Variants in ZBTB7C observed in about 807,000 individuals in gnomAD.
ZBTB7C encodes zinc finger and BTB domain containing 7C, also known as zinc finger and BTB domain-containing protein 7C.
Under a neutral mutation model 25.7 loss-of-function variants are expected in ZBTB7C, and 8 were observed. The ratio of observed to expected loss-of-function variants is 0.31; its 90% CI spans 0.18 to 0.56. ZBTB7C has a LOEUF of 0.56. ZBTB7C is among the 20% of genes least tolerant of loss of function. The pLI is 0.91. For synonymous variants in ZBTB7C, 394 were observed against 369.0 expected (o/e 1.07, Z -0.78); for missense variants, 824 against 855.2 (o/e 0.96, Z 0.46).
chr18:48,072,677 G>A (rs940601502), intron 3 of ZBTB7C: 1 of 152,250 alleles, frequency 6.6e-6, no homozygotes, highest in Admixed American at 6.5e-5. Context: ...TTTAGGAGGG[G>A]AGAAGGTGGG....
chr18:48,048,957 G>A (rs1245516342), intron 3 of ZBTB7C, among the ~76,000 whole-genome samples: 1 of 152,112 alleles, frequency 6.6e-6, no homozygotes, highest in African/African-American at 2.4e-5. Flanking sequence ...CCATGCCCCA[G>A]GCCACATGGC....
intron 3 of ZBTB7C, among the ~76,000 whole-genome samples, chr18:48,134,043 C>A (rs916291987): frequency 6.6e-6 from 1 of 150,802 alleles, no homozygotes; most frequent in East Asian, 1.9e-4. Flanking sequence ...TCTGGCAGCA[C>A]GACATCAAGG....
intron 3 of ZBTB7C, among the ~76,000 whole-genome samples, chr18:48,094,232 C>T (rs996831747): frequency 6.6e-6 from 1 of 152,174 alleles, no homozygotes; most frequent in Non-Finnish European, 1.5e-5. Context: ...ATGATATCAT[C>T]TGGCTGAGTC....
At chr18:48,264,151 G>C (rs2044245995) in intron 2 of ZBTB7C, among the ~76,000 whole-genome samples, 1 of 152,182 alleles carries the variant, frequency 6.6e-6, no homozygotes, top group Admixed American at 6.5e-5. Context: ...AATACCTCCA[G>C]TGCGTGGGTG....
At chr18:48,036,059 G>A (rs2035956155) in intron 4 of ZBTB7C, among the ~76,000 whole-genome samples, 2 of 152,260 alleles carry the variant, frequency 1.3e-5, no homozygotes, top group Admixed American at 1.3e-4. Context: ...GAGCTAGGAA[G>A]GGACAGCATG....
At chr18:48,217,920 G>A (rs2042863478) in intron 2 of ZBTB7C, among the ~76,000 whole-genome samples, 1 of 152,056 alleles carries the variant, frequency 6.6e-6, no homozygotes, top group African/African-American at 2.4e-5. Context: ...CGTCCCAGGG[G>A]GAGCCCTGGG....
intron 3 of ZBTB7C, among the ~76,000 whole-genome samples, chr18:48,083,531 C>T (rs757586572): frequency 5.3e-5 from 8 of 152,020 alleles, no homozygotes; most frequent in East Asian, 1.9e-4. Flanking sequence ...GGGAAGGGTA[C>T]GCTGGAGACA....
At chr18:48,172,733 T>G (rs1039136663) in intron 3 of ZBTB7C, among the ~76,000 whole-genome samples, 19 of 152,224 alleles carry the variant, frequency 1.2e-4, no homozygotes, top group African/African-American at 4.6e-4. Flanking sequence ...AAGAGGGCCT[T>G]GGACTTGCTG....
chr18:48,200,363 G>A (rs987280227), intron 2 of ZBTB7C, among the ~76,000 whole-genome samples: 4 of 152,114 alleles, frequency 2.6e-5, no homozygotes, highest in Non-Finnish European at 4.4e-5. Flanking sequence ...TGTGGCCGGT[G>A]TTTGTAGTAC....
intron 2 of ZBTB7C, among the ~76,000 whole-genome samples, chr18:48,188,562 A>C (rs1351324940): frequency 6.6e-6 from 1 of 152,130 alleles, no homozygotes; most frequent in African/African-American, 2.4e-5. Flanking sequence ...ACACAGCCAA[A>C]CTATATCAGA....
intron 3 of ZBTB7C, among the ~76,000 whole-genome samples, chr18:48,136,661 C>G (rs2040176214): frequency 6.6e-6 from 1 of 152,222 alleles, no homozygotes; most frequent in Admixed American, 6.5e-5. Context: ...CAAAGGAGCC[C>G]GCTGGCGTGG....
chr18:48,205,659 G>A (rs1048587091), intron 2 of ZBTB7C, among the ~76,000 whole-genome samples: 1 of 151,792 alleles, frequency 6.6e-6, no homozygotes, highest in East Asian at 2.0e-4. Flanking sequence ...ATGCAAATGC[G>A]AAATAAAGAG....
At chr18:48,051,854 G>A (rs934328169) in intron 3 of ZBTB7C, among the ~76,000 whole-genome samples, 7 of 152,024 alleles carry the variant, frequency 4.6e-5, no homozygotes, top group African/African-American at 7.2e-5. Flanking sequence ...GGAAGTCTGC[G>A]GCAGGCAAAT....
At chr18:48,147,062 A>G (rs2040516512) in intron 3 of ZBTB7C, among the ~76,000 whole-genome samples, 1 of 152,142 alleles carries the variant, frequency 6.6e-6, no homozygotes, top group South Asian at 2.1e-4. Flanking sequence ...GAGTTGCTTC[A>G]GTAATTTTTA....
chr18:48,373,907 G>A (rs1449456166), intron 1 of ZBTB7C, among the ~76,000 whole-genome samples: 2 of 151,750 alleles, frequency 1.3e-5, no homozygotes, highest in African/African-American at 2.4e-5. Context: ...CTTGCAGTGA[G>A]CTGAGATCGC....
At chr18:48,401,706 A>C (rs968123607) in intron 1 of ZBTB7C, among the ~76,000 whole-genome samples, 8 of 152,058 alleles carry the variant, frequency 5.3e-5, no homozygotes, top group Admixed American at 2.6e-4. Flanking sequence ...ATCTCTTGCC[A>C]TTCCCTGGCT....
intron 3 of ZBTB7C, among the ~76,000 whole-genome samples, chr18:48,181,044 T>C (rs1217512712): frequency 6.6e-6 from 1 of 152,190 alleles, no homozygotes; most frequent in African/African-American, 2.4e-5. Context: ...TTCCAATGCA[T>C]AGGATTGTTG....
intron 2 of ZBTB7C, among the ~76,000 whole-genome samples, chr18:48,315,610 C>T (rs947026239): frequency 1.3e-5 from 2 of 152,042 alleles, no homozygotes; most frequent in Non-Finnish European, 2.9e-5. Context: ...TGGGAGGTAA[C>T]GAGGTAGACT....
At chr18:48,360,814 A>C (rs188063422) in intron 1 of ZBTB7C, among the ~76,000 whole-genome samples, 62 of 152,274 alleles carry the variant, frequency 4.1e-4, no homozygotes, top group African/African-American at 1.4e-3. Context: ...CAGGTAGATA[A>C]GATGCAGCAG....
Sources: allele counts gnomAD v4.1 joint callset (sites outside exome capture counted in the v4.1 genomes callset), GRCh38; gene constraint gnomAD v4.1.1; transcripts MANE v1.5; gene names NCBI Gene and HGNC (gene_info 2026-07-23, HGNC 2026-07-21).